SORCS3: variants seen among roughly 807,000 people sequenced by gnomAD.
The protein encoded by SORCS3 is sortilin related VPS10 domain containing receptor 3.
SORCS3 carries 57 observed loss-of-function variants against 146.3 expected under a neutral mutation model. The ratio of observed to expected loss-of-function variants is 0.39; its 90% CI spans 0.31 to 0.49. The LOEUF (loss-of-function observed/expected upper bound fraction) is 0.49. SORCS3 is among the 20% of genes least tolerant of loss of function. SORCS3 has a pLI of 0.92. For missense variants in SORCS3, 1,341 were observed against 1,575.5 expected (o/e 0.85, Z 2.52); for synonymous variants, 653 against 618.5 (o/e 1.06, Z -0.83).
chr10:104,878,485 C>CA (rs988847670), intron 2 of SORCS3, among the ~76,000 whole-genome samples: 6 of 151,472 alleles, frequency 4.0e-5, no homozygotes, highest in African/African-American at 4.9e-5. Context: ...TCAAAATCTG[C>CA]AAAAAAAATT....
chr10:105,080,869 A>G (rs2055620322), intron 5 of SORCS3, among the ~76,000 whole-genome samples: 1 of 152,200 alleles, frequency 6.6e-6, no homozygotes, highest in Non-Finnish European at 1.5e-5. Context: ...ATCTACAACT[A>G]CCTGATCTTC....
At chr10:104,936,360 T>G (rs1281420396) in intron 3 of SORCS3, among the ~76,000 whole-genome samples, 2 of 152,086 alleles carry the variant, frequency 1.3e-5, no homozygotes, top group Non-Finnish European at 2.9e-5. Context: ...AGGGGCCAGC[T>G]GTGAAAATGC....
chr10:104,895,541 G>A (rs769847881), intron 2 of SORCS3, among the ~76,000 whole-genome samples: 7 of 152,156 alleles, frequency 4.6e-5, no homozygotes, highest in Non-Finnish European at 1.0e-4. Context: ...GAAACTGACT[G>A]CTCCAGCATC....
At chr10:104,765,875 C>T (rs2017174093) in intron 1 of SORCS3, among the ~76,000 whole-genome samples, 1 of 152,126 alleles carries the variant, frequency 6.6e-6, no homozygotes, top group Non-Finnish European at 1.5e-5. Context: ...AAGTGTCAGA[C>T]CTGGGATTCC....
chr10:104,899,724 T>G (rs745517082), intron 2 of SORCS3, among the ~76,000 whole-genome samples: 13 of 152,230 alleles, frequency 8.5e-5, no homozygotes, highest in Non-Finnish European at 1.3e-4. Flanking sequence ...AAAATTGTTT[T>G]CTTTTATCCA....
chr10:104,679,454 GA>G (rs1432916148), intron 1 of SORCS3, among the ~76,000 whole-genome samples: 2 of 152,184 alleles, frequency 1.3e-5, no homozygotes, highest in Non-Finnish European at 2.9e-5. Flanking sequence ...AGTATTGAAG[GA>G]AACATACTCA....
At chr10:105,151,481 G>A (rs969236532) in intron 9 of SORCS3, among the ~76,000 whole-genome samples, 2 of 152,112 alleles carry the variant, frequency 1.3e-5, no homozygotes, top group Admixed American at 6.6e-5. Flanking sequence ...CATTACACCT[G>A]TTTCCCCTTG....
intron 1 of SORCS3, among the ~76,000 whole-genome samples, chr10:104,657,895 A>AT (rs1274562809): frequency 6.6e-6 from 1 of 152,240 alleles, no homozygotes; most frequent in African/African-American, 2.4e-5. Flanking sequence ...CAAATTTAAT[A>AT]TAGGGAATTG....
chr10:104,982,787 C>CT (rs1375305975), intron 4 of SORCS3, among the ~76,000 whole-genome samples: 1 of 152,098 alleles, frequency 6.6e-6, no homozygotes, highest in Non-Finnish European at 1.5e-5. Context: ...CAGAGATACC[C>CT]TGTGATATTT....
intron 3 of SORCS3, among the ~76,000 whole-genome samples, chr10:104,955,137 C>T (rs558020063): frequency 2.6e-5 from 4 of 151,684 alleles, no homozygotes; most frequent in Admixed American, 6.6e-5. Context: ...TTTATCACCC[C>T]CAAAAGAAGC....
chr10:104,840,128 C>T (rs1418130954), intron 1 of SORCS3, among the ~76,000 whole-genome samples: 3 of 152,104 alleles, frequency 2.0e-5, no homozygotes, highest in Admixed American at 6.6e-5. Flanking sequence ...CAGAGCACAA[C>T]AGCTGGAGTG....
intron 2 of SORCS3, among the ~76,000 whole-genome samples, chr10:104,850,471 G>C (rs1353236831): frequency 2.0e-5 from 3 of 152,226 alleles, no homozygotes; most frequent in Non-Finnish European, 4.4e-5. Flanking sequence ...TGTAGGCCCA[G>C]CTACTGGGGG....
At chr10:104,908,319 G>A (rs1028353996) in intron 2 of SORCS3, among the ~76,000 whole-genome samples, 4 of 152,174 alleles carry the variant, frequency 2.6e-5, no homozygotes, top group African/African-American at 9.7e-5. Flanking sequence ...GGGTATCCGT[G>A]TGCCTCACCC....
chr10:104,808,467 G>C (rs892344520), intron 1 of SORCS3, among the ~76,000 whole-genome samples: 1 of 152,186 alleles, frequency 6.6e-6, no homozygotes, highest in African/African-American at 2.4e-5. Context: ...AGGGAACAAT[G>C]AAAATATGGA....
chr10:104,688,376 G>A (rs754492079), intron 1 of SORCS3, among the ~76,000 whole-genome samples: 7 of 152,202 alleles, frequency 4.6e-5, no homozygotes, highest in Admixed American at 6.5e-5. Context: ...TTGGAGGGGG[G>A]GACCCAGCCG....
intron 25 of SORCS3, among the ~76,000 whole-genome samples, chr10:105,259,577 A>G (rs2056949208): frequency 6.6e-6 from 1 of 152,096 alleles, no homozygotes; most frequent in African/African-American, 2.4e-5. Flanking sequence ...AGTGACTGCT[A>G]TTTTCTTATA....
At chr10:104,974,650 A>G (rs1043914957) in intron 3 of SORCS3, among the ~76,000 whole-genome samples, 4 of 152,084 alleles carry the variant, frequency 2.6e-5, no homozygotes, top group Admixed American at 6.5e-5. Context: ...TCTTTATCCA[A>G]TTTGCCAGTC....
chr10:104,794,622 G>GGAGGGAGGGAGAGAGAGAGA lies in SORCS3; in HGVS notation c.628-48167_628-48166insGGAGGGAGAGAGAGAGAGAG, dbSNP rs1481811209. On this transcript the variant is annotated intron_variant, in intron 1 of 26. Coordinates refer to ENST00000369701, the MANE Select transcript of SORCS3 (RefSeq NM_014978.3). ...GTGTGTGTGAGAGAGAGAGAGGGAG[G>GGAGGGAGGGAGAGAGAGAGA]GAGAGAGAGAGAGAGAGAGAGAGAG... Among the ~76,000 whole-genome samples the GGAGGGAGGGAGAGAGAGAGA allele has an allele frequency of 7.2e-5, 3 of 41,406 alleles. No homozygotes were observed. In the Admixed American group the frequency reaches 8.2e-4, roughly 11 times the overall value. 27.2% of individuals were successfully genotyped at this position (41,406 alleles called of 152,430 possible).
intron 2 of SORCS3, among the ~76,000 whole-genome samples, chr10:104,847,701 A>G (rs1056607034): frequency 6.6e-6 from 1 of 152,146 alleles, no homozygotes; most frequent in African/African-American, 2.4e-5. Context: ...ATCATTTGCA[A>G]AGAATGATCC....
Sources: gnomAD v4.1 joint callset for allele counts (sites outside exome capture counted in the v4.1 genomes callset) on GRCh38, gnomAD v4.1.1 for gene constraint, MANE v1.5 for transcripts, NCBI Gene and HGNC (gene_info 2026-07-23, HGNC 2026-07-21) for gene names.